Variants in NEGR1 observed in about 807,000 individuals in gnomAD.
NEGR1 encodes the protein IgLON family member 4.
In NEGR1, 10 loss-of-function variants were observed where a neutral mutation model predicts 40.9. That is an observed-to-expected ratio of 0.24 (90% CI 0.15 to 0.42). The LOEUF (loss-of-function observed/expected upper bound fraction) is 0.42. Among genes scored for constraint, NEGR1 ranks in the 10% least tolerant of loss-of-function variants. The probability of loss-of-function intolerance (pLI) is 1.00; values close to 1 mark genes in which losing one functional copy is unlikely to be tolerated. For missense variants in NEGR1, 352 were observed against 438.9 expected (o/e 0.80, Z 1.77); for synonymous variants, 185 against 166.8 (o/e 1.11, Z -0.84).
chr1:71,819,366 T>A (rs1373190551), intron 2 of NEGR1, among the ~76,000 whole-genome samples: 2 of 151,918 alleles, frequency 1.3e-5, no homozygotes, highest in African/African-American at 4.8e-5. Flanking sequence ...AACATAAAAA[T>A]AAATGCCACT....
intron 1 of NEGR1, among the ~76,000 whole-genome samples, chr1:72,181,011 G>A (rs1252976281): frequency 2.6e-5 from 4 of 152,056 alleles, no homozygotes; most frequent in Non-Finnish European, 4.4e-5. Context: ...GGTATCAACC[G>A]GCGAAATGAT....
intron 3 of NEGR1, among the ~76,000 whole-genome samples, chr1:71,740,209 C>T (rs966355785): frequency 2.6e-5 from 4 of 152,110 alleles, no homozygotes; most frequent in Non-Finnish European, 4.4e-5. Flanking sequence ...GCAGTCGAAA[C>T]GTTTTGTTCT....
At chr1:71,928,444 A>T (rs61765308) in intron 2 of NEGR1, among the ~76,000 whole-genome samples, 1 of 87,746 alleles carries the variant, frequency 1.1e-5, no homozygotes. Context: ...ATACACATAT[A>T]TATGTATATA....
intron 1 of NEGR1, among the ~76,000 whole-genome samples, chr1:71,958,578 A>C (rs12047003): frequency 0.13 from 19,702 of 152,162 alleles, 1,667 homozygotes; most frequent in East Asian, 0.43. Flanking sequence ...TGCCTCAAAA[A>C]AATTCATGGT....
chr1:71,475,193 T>C (rs1646811831), intron 6 of NEGR1, among the ~76,000 whole-genome samples: 2 of 152,088 alleles, frequency 1.3e-5, no homozygotes, highest in Admixed American at 6.6e-5. Flanking sequence ...GGTGCAGATA[T>C]GCATTTTACT....
chr1:72,100,985 T>A (rs1569964698), intron 1 of NEGR1: 1 of 152,330 alleles, frequency 6.6e-6, no homozygotes, highest in Middle Eastern at 3.4e-3. Context: ...GTAAGGACAA[T>A]AATCCCATCA....
chr1:72,187,157 CTT>C (rs1161836550), intron 1 of NEGR1, among the ~76,000 whole-genome samples: 1 of 151,274 alleles, frequency 6.6e-6, no homozygotes, highest in Non-Finnish European at 1.5e-5. Context: ...CTGGAAGAGA[CTT>C]TTCTTTATTT....
rs371988767 is a variant in NEGR1 at position 71,873,087 on chromosome 1, G to A, written c.409+61992C>T. Reference sequence around the variant, plus strand: ...ACTGGAAAACGGTAGAAATTGGGAGGTATGTTGAAATTGAATCCCTAAAGA... The same window carrying A: ...ACTGGAAAACGGTAGAAATTGGGAGATATGTTGAAATTGAATCCCTAAAGA... On this transcript the variant is annotated intron_variant, in intron 2 of 6. Coordinates refer to ENST00000357731, the MANE Select transcript of NEGR1 (RefSeq NM_173808.3). 1.3e-3 allele frequency among the ~76,000 whole-genome samples: 164 copies of A among 130,664 alleles called. 1 individual carries two copies. Among genetic ancestry groups the A allele is most frequent in the African/African-American group, 4.6e-3 (156 of 33,788 alleles). The allele number at this position is 130,664 out of a possible 152,430, so 85.7% of individuals were successfully genotyped here.
At chr1:71,731,775 T>A (rs1440530194) in intron 3 of NEGR1, among the ~76,000 whole-genome samples, 1 of 152,230 alleles carries the variant, frequency 6.6e-6, no homozygotes, top group African/African-American at 2.4e-5. Context: ...CAGGCTTTGC[T>A]AGTGCATAAC....
intron 6 of NEGR1, among the ~76,000 whole-genome samples, chr1:71,513,962 C>T (rs563272723): frequency 8.0e-5 from 11 of 136,748 alleles, no homozygotes; most frequent in African/African-American, 1.9e-4. Context: ...AAAGGGGTGA[C>T]GGACGCACCT....
intron 1 of NEGR1, among the ~76,000 whole-genome samples, chr1:72,170,117 T>C (rs974391446): frequency 6.6e-6 from 1 of 152,162 alleles, no homozygotes; most frequent in African/African-American, 2.4e-5. Context: ...TGTTCAGAAA[T>C]CTTTCTCCTG....
intron 6 of NEGR1, among the ~76,000 whole-genome samples, chr1:71,408,029 CT>C (rs1042395865): frequency 1.3e-5 from 2 of 151,812 alleles, no homozygotes; most frequent in African/African-American, 2.4e-5. Context: ...CTTCCAAGGC[CT>C]TTTTTTGGTG....
chr1:71,491,862 T>A (rs537353241), intron 6 of NEGR1, among the ~76,000 whole-genome samples: 1 of 152,248 alleles, frequency 6.6e-6, no homozygotes, highest in African/African-American at 2.4e-5. Flanking sequence ...TTTTTGAATG[T>A]ACGTGTCCCT....
chr1:71,744,205 C>A (rs1400182599), intron 3 of NEGR1, among the ~76,000 whole-genome samples: 1 of 150,780 alleles, frequency 6.6e-6, no homozygotes, highest in Non-Finnish European at 1.5e-5. Context: ...AGCTCAGGGT[C>A]CAAATCTTTA....
chr1:72,172,277 A>G (rs1004109760), intron 1 of NEGR1, among the ~76,000 whole-genome samples: 3 of 152,130 alleles, frequency 2.0e-5, no homozygotes, highest in Non-Finnish European at 2.9e-5. Context: ...TATTTCAATA[A>G]TTTTGTCATT....
At chr1:72,047,649 T>G (rs2100468564) in intron 1 of NEGR1, among the ~76,000 whole-genome samples, 1 of 151,506 alleles carries the variant, frequency 6.6e-6, no homozygotes, top group South Asian at 2.1e-4. Context: ...TCAGTATGTA[T>G]TTTCAATTCA....
At chr1:72,247,527 C>T (rs1404556940) in intron 1 of NEGR1, among the ~76,000 whole-genome samples, 1 of 152,168 alleles carries the variant, frequency 6.6e-6, no homozygotes, top group Non-Finnish European at 1.5e-5. Context: ...CACAGTGCAG[C>T]CAAGTTCTTT....
At chr1:71,693,630 T>G (rs1653370963) in intron 4 of NEGR1, among the ~76,000 whole-genome samples, 1 of 151,620 alleles carries the variant, frequency 6.6e-6, no homozygotes, top group African/African-American at 2.4e-5. Context: ...AGAAGTAAAG[T>G]ACCTCACCCA....
chr1:72,005,747 C>T (rs1646600952), intron 1 of NEGR1, among the ~76,000 whole-genome samples: 1 of 151,922 alleles, frequency 6.6e-6, no homozygotes, highest in African/African-American at 2.4e-5. Flanking sequence ...TACAATATTT[C>T]AAAATATCTA....
Sources: gnomAD v4.1 joint callset for allele counts (sites outside exome capture counted in the v4.1 genomes callset) on GRCh38, gnomAD v4.1.1 for gene constraint, MANE v1.5 for transcripts, NCBI Gene and HGNC (gene_info 2026-07-23, HGNC 2026-07-21) for gene names.